The following SYNDIG1 variants were observed in gnomAD, a reference collection of about 807,000 sequenced individuals.
SYNDIG1 encodes synapse differentiation inducing 1.
Under a neutral mutation model 19.4 loss-of-function variants are expected in SYNDIG1, and 9 were observed. The ratio of observed to expected loss-of-function variants is 0.46; its 90% CI spans 0.28 to 0.81. SYNDIG1 has a LOEUF of 0.81. Ranked by LOEUF, SYNDIG1 falls within the 30% of genes least tolerant of loss-of-function variation. The pLI is 0.12. For missense variants in SYNDIG1, 311 were observed against 343.3 expected (o/e 0.91, Z 0.74); for synonymous variants, 141 against 145.9 (o/e 0.97, Z 0.24).
chr20:24,619,690 G>T (rs939451616), intron 3 of SYNDIG1, among the ~76,000 whole-genome samples: 2 of 152,144 alleles, frequency 1.3e-5, no homozygotes, highest in African/African-American at 2.4e-5. Flanking sequence ...TAATAGCATA[G>T]CCCAGACTGA....
chr20:24,662,517 C>T (rs2059613626), intron 3 of SYNDIG1, among the ~76,000 whole-genome samples: 1 of 152,162 alleles, frequency 6.6e-6, no homozygotes, highest in Non-Finnish European at 1.5e-5. Context: ...AGCCCAGCTG[C>T]TTCCTGCGTT....
At chr20:24,477,942 G>A (rs961151215) in intron 1 of SYNDIG1, among the ~76,000 whole-genome samples, 8 of 152,214 alleles carry the variant, frequency 5.3e-5, no homozygotes, top group African/African-American at 1.7e-4. Flanking sequence ...AGACACAGAC[G>A]TGGGCTTCCA....
intron 1 of SYNDIG1, among the ~76,000 whole-genome samples, chr20:24,505,697 C>T (rs1029136279): frequency 6.6e-6 from 1 of 152,196 alleles, no homozygotes; most frequent in African/African-American, 2.4e-5. Flanking sequence ...TCAGTGTTCT[C>T]CTTAGGAGAC....
chr20:24,632,609 T>C lies in SYNDIG1; in HGVS notation c.619-32737T>C, dbSNP rs375216708. Among the ~76,000 whole-genome samples, 82 of 152,318 alleles carry C rather than the reference T, an allele frequency of 5.4e-4. No individual in the cohort carries two copies. The South Asian group carries it at 8.9e-3, about 17-fold the overall frequency. Reference sequence around the variant, plus strand: ...GGCTGCCTCATTTCAATGAGAGTTTTTCAAGACCCCTGGTCCCAGGACCAT... The same window carrying C: ...GGCTGCCTCATTTCAATGAGAGTTTCTCAAGACCCCTGGTCCCAGGACCAT... On this transcript the variant is annotated intron_variant, in intron 3 of 3. Transcript: ENST00000376862.
At chr20:24,650,040 C>T (rs2059454954) in intron 3 of SYNDIG1, among the ~76,000 whole-genome samples, 1 of 152,202 alleles carries the variant, frequency 6.6e-6, no homozygotes, top group African/African-American at 2.4e-5. Flanking sequence ...ACACAGCTCT[C>T]CTGTGTCAGC....
chr20:24,625,428 C>A (rs1229059544), intron 3 of SYNDIG1, among the ~76,000 whole-genome samples: 2 of 134,290 alleles, frequency 1.5e-5, no homozygotes, highest in Non-Finnish European at 3.1e-5. Flanking sequence ...GTGTTTCTCG[C>A]AGAGGGGGAT....
intron 3 of SYNDIG1, among the ~76,000 whole-genome samples, chr20:24,618,805 TCTTTTTC>T (rs2058990573): frequency 2.0e-5 from 3 of 149,348 alleles, no homozygotes; most frequent in East Asian, 3.9e-4. Context: ...TCCATGTGAC[TCTTTTTC>T]CTTTTTCCTT....
chr20:24,471,853 T>C (rs1044573723), intron 1 of SYNDIG1, among the ~76,000 whole-genome samples: 1 of 152,158 alleles, frequency 6.6e-6, no homozygotes, highest in Non-Finnish European at 1.5e-5. Context: ...GTTAATTAGC[T>C]CCATTCAGTC....
At chr20:24,481,304 C>T (rs1279490849) in intron 1 of SYNDIG1, among the ~76,000 whole-genome samples, 3 of 152,138 alleles carry the variant, frequency 2.0e-5, no homozygotes, top group Non-Finnish European at 4.4e-5. Context: ...ATCTTTGCAC[C>T]ATGGCTCCTG....
At chr20:24,618,927 GCAA>G (rs551788818) in intron 3 of SYNDIG1, among the ~76,000 whole-genome samples, 22 of 151,986 alleles carry the variant, frequency 1.4e-4, no homozygotes, top group Non-Finnish European at 2.9e-4. Flanking sequence ...TTCCTTAATT[GCAA>G]CAACAGCAAA....
At chr20:24,522,772 T>G (rs1029495164) in intron 1 of SYNDIG1, among the ~76,000 whole-genome samples, 1 of 152,190 alleles carries the variant, frequency 6.6e-6, no homozygotes, top group Non-Finnish European at 1.5e-5. Context: ...AGCATCTACT[T>G]GGCTTCTGGG....
intron 1 of SYNDIG1, among the ~76,000 whole-genome samples, chr20:24,502,928 G>T (rs2056490649): frequency 6.6e-6 from 1 of 152,224 alleles, no homozygotes; most frequent in Non-Finnish European, 1.5e-5. Flanking sequence ...TGTTAATTCT[G>T]CTTTAAACTC....
At chr20:24,562,180 A>G (rs1475734814) in intron 2 of SYNDIG1, among the ~76,000 whole-genome samples, 1 of 152,156 alleles carries the variant, frequency 6.6e-6, no homozygotes. Context: ...CAAAGGAATC[A>G]GTTTCACCTC....
rs959195254 is a variant in SYNDIG1 at position 24,658,002 on chromosome 20, G to A, written c.619-7344G>A. Among the ~76,000 whole-genome samples the A allele has an allele frequency of 9.2e-5, 14 of 152,274 alleles. No homozygotes were observed. Among genetic ancestry groups the A allele is most frequent in the African/African-American group, 2.9e-4 (12 of 41,552 alleles). ...AGATCTCGGGAGGCAGGTGTCTGGC[G>A]AGGGCATAACTGCTGAGGACCCCCA... On this transcript the variant is annotated intron_variant, in intron 3 of 3. Coordinates refer to ENST00000376862, the MANE Select transcript of SYNDIG1 (RefSeq NM_024893.3). The surrounding 1 kb of genome is among the most constrained non-coding windows in gnomAD (Gnocchi z 4.4).
intron 2 of SYNDIG1, among the ~76,000 whole-genome samples, chr20:24,544,482 C>T (rs905734334): frequency 2.6e-5 from 4 of 152,142 alleles, no homozygotes; most frequent in African/African-American, 9.7e-5. Flanking sequence ...GTCTGTTTTT[C>T]ACTAAGGTAG....
At chr20:24,618,961 G>A (rs1438907085) in intron 3 of SYNDIG1, among the ~76,000 whole-genome samples, 3 of 152,104 alleles carry the variant, frequency 2.0e-5, no homozygotes, top group African/African-American at 7.2e-5. Context: ...AAATAATATA[G>A]AGGGAGACAA....
chr20:24,638,746 G>T (rs1020550190), intron 3 of SYNDIG1, among the ~76,000 whole-genome samples: 2 of 152,236 alleles, frequency 1.3e-5, no homozygotes, highest in East Asian at 3.8e-4. Flanking sequence ...AATGGCCATT[G>T]TCAAGATAAA....
At chr20:24,579,970 CCTCT>C (rs1195951868) in intron 2 of SYNDIG1, among the ~76,000 whole-genome samples, 2 of 152,140 alleles carry the variant, frequency 1.3e-5, no homozygotes, top group East Asian at 1.9e-4. Context: ...AACTGAGAGC[CCTCT>C]CTCTCTGTGG....
rs1340803316 is a variant in SYNDIG1 at position 24,542,153 on chromosome 20, T to C, written c.-78-867T>C. Among the ~76,000 whole-genome samples the C allele has an allele frequency of 2.0e-5, 3 of 150,010 alleles. No homozygotes were observed. The Admixed American group carries it at 2.0e-4, about 10-fold the overall frequency. ...ATTCATACTTAGTCATAATTTATGATACTCAAAATTGAAAAAATTCACTTC... is the reference window on the plus strand; with the variant it reads ...ATTCATACTTAGTCATAATTTATGACACTCAAAATTGAAAAAATTCACTTC... On this transcript the variant is annotated intron_variant, in intron 1 of 3. Transcript: ENST00000376862.
Sources: allele counts gnomAD v4.1 joint callset (sites outside exome capture counted in the v4.1 genomes callset), GRCh38; gene constraint gnomAD v4.1.1; non-coding constraint Gnocchi (gnomAD v3.1); transcripts MANE v1.5; gene names NCBI Gene and HGNC (gene_info 2026-07-23, HGNC 2026-07-21).